Variants in PCDHGA10 observed in about 807,000 individuals in gnomAD.
PCDHGA10 encodes the protein protocadherin gamma-A10.
Under a neutral mutation model 59.5 loss-of-function variants are expected in PCDHGA10, and 42 were observed. The ratio of observed to expected loss-of-function variants is 0.71; its 90% CI spans 0.55 to 0.91. The LOEUF is 0.91. PCDHGA10 is among the 40% of genes least tolerant of loss of function. The probability of loss-of-function intolerance (pLI) is 0.00; values close to 1 mark genes in which losing one functional copy is unlikely to be tolerated. For missense variants in PCDHGA10, 1,111 were observed against 1,198.2 expected (o/e 0.93, Z 1.07); for synonymous variants, 511 against 517.2 (o/e 0.99, Z 0.16).
chr5:141,419,151 C>G, intron 1 of PCDHGA10: 3 of 1,613,918 alleles, frequency 1.9e-6, no homozygotes, highest in Non-Finnish European at 1.7e-6. Flanking sequence ...GGCAAGCCTC[C>G]GTTATCCTCC....
chr5:141,475,740 A>G (rs942793010), intron 1 of PCDHGA10, among the ~76,000 whole-genome samples: 4 of 152,280 alleles, frequency 2.6e-5, no homozygotes, highest in Non-Finnish European at 5.9e-5. Flanking sequence ...TCCCTAAGGT[A>G]GGTTTCCTAT....
chr5:141,466,297 A>G (rs1206472131), intron 1 of PCDHGA10, among the ~76,000 whole-genome samples: 3 of 152,146 alleles, frequency 2.0e-5, no homozygotes, highest in East Asian at 1.9e-4. Flanking sequence ...CAGGCTCCCA[A>G]GTAGCTGGGA....
At position 141,485,379 on chromosome 5, in the gene PCDHGA10, A is replaced by G. The variant is rs749607481; in HGVS notation, c.2437-9428A>G. 12 of 1,613,934 alleles carry G rather than the reference A, an allele frequency of 7.4e-6. No homozygotes were observed. In the Admixed American group the frequency reaches 1.8e-4, roughly 25 times the overall value. The stretch of plus-strand genomic sequence containing the variant: ...GCTCGCAGGCTGCAGGTCGCTGGAG[A>G]GGTGAACCAAAGACACTTCCGTGTG... On this transcript the variant is annotated intron_variant, in intron 1 of 3. Coordinates refer to ENST00000398610, the MANE Select transcript of PCDHGA10 (RefSeq NM_018913.3). This position sits in a 1 kb window ranked among gnomAD's most constrained non-coding sequence, Gnocchi z 5.7.
intron 1 of PCDHGA10, chr5:141,441,516 C>T (rs1034274864): frequency 4.0e-5 from 7 of 173,082 alleles, no homozygotes; most frequent in Non-Finnish European, 8.7e-5. Flanking sequence ...ACGTCGTCCA[C>T]GTGGCCAAGA....
chr5:141,485,226 T>C lies in PCDHGA10; in HGVS notation c.2437-9581T>C. ...GAAATCTGGCGGTGGGCTACCCTTT[T>C]GTTCCTCTTTTACCACCTGGGTTAC... On this transcript the variant is annotated intron_variant, in intron 1 of 3. Transcript: ENST00000398610. The surrounding 1 kb of genome is among the most constrained non-coding windows in gnomAD (Gnocchi z 5.7). 1.9e-6 allele frequency: 3 copies of C among 1,614,170 alleles called. No homozygotes were observed. Among genetic ancestry groups the C allele is most frequent in the Non-Finnish European group, 2.5e-6 (3 of 1,180,026 alleles).
rs567174433 is a variant in PCDHGA10, at chr5:141,443,351, G to A, written c.2436+27740G>A. On this transcript the variant is annotated intron_variant, in intron 1 of 3. Coordinates refer to ENST00000398610, the MANE Select transcript of PCDHGA10 (RefSeq NM_018913.3). ...AAAACAAAAATTAACAAGGTTTAGT[G>A]GTCCATGCCTGTGGTCTCAGCTACT... 6.6e-5 allele frequency among the ~76,000 whole-genome samples: 10 copies of A among 152,072 alleles called. No homozygotes were observed. The South Asian group carries it at 2.1e-3, about 32-fold the overall frequency.
Position 141,414,134 on chromosome 5 carries a change from A to G in PCDHGA10, c.959A>G (p.Glu320Gly). Residue 320 changes from glutamate (E) to glycine (G), a missense_variant, in exon 1 of 4, where the codon GAA (glutamate) becomes GGA (glycine). Transcript: ENST00000398610. ...GATTATGAAGAAACCGGTTTCTATG[A>G]AATAGAAATACAAGCAGAAGATGGA... Reference protein sequence around the residue: ...NLDYEETGFYEIEIQAEDGGA... With the variant: ...NLDYEETGFYGIEIQAEDGGA... 6.3e-7 allele frequency: 1 copy of G among 1,595,028 alleles called. No homozygotes were observed. Among genetic ancestry groups the G allele is most frequent in the Non-Finnish European group, 8.5e-7 (1 of 1,170,264 alleles).
In PCDHGA10 at chr5:141,413,230, C is replaced by A; in HGVS notation, c.55C>A (p.Leu19Met). ...KESKDCSGLVLLCLFFGIPWE... is the reference protein window; with the variant it reads ...KESKDCSGLVMLCLFFGIPWE... The stretch of plus-strand genomic sequence containing the variant: ...ATCAAAGGATTGCAGCGGGCTGGTC[C>A]TGCTCTGCCTTTTCTTCGGGATTCC... The change falls in exon 1 of 4, where the codon CTG (leucine) becomes ATG (methionine). Residue 19 changes from leucine to methionine, a missense_variant. By Grantham distance (15) the Leu-to-Met change is conservative. Transcript: ENST00000398610. 1 of 1,613,942 alleles carries A rather than the reference C, an allele frequency of 6.2e-7. No individual in the cohort carries two copies.
In PCDHGA10 at chr5:141,414,202, G is replaced by A; in HGVS notation, c.1027G>A (p.Asp343Asn). 1 of 1,611,912 alleles carries A rather than the reference G, an allele frequency of 6.2e-7. No homozygotes were observed. Among genetic ancestry groups the A allele is most frequent in the Non-Finnish European group, 8.5e-7 (1 of 1,178,928 alleles). ...TGCAAAAGTGTTGATTACAGTAGAA[G>A]ATGTAAATGACAACAGTCCAGAGCT... ...ATAKVLITVE[D>N]VNDNSPELTI... Residue 343 changes from aspartate (D) to asparagine (N), a missense_variant, in exon 1 of 4, where the codon GAT (aspartate) becomes AAT (asparagine). Physicochemically the swap from Asp to Asn is conservative, Grantham distance 23 (BLOSUM62 1). Coordinates refer to ENST00000398610, the MANE Select transcript of PCDHGA10 (RefSeq NM_018913.3).
chr5:141,419,578 G>C (rs1339676992), intron 1 of PCDHGA10: 1 of 1,611,722 alleles, frequency 6.2e-7, no homozygotes. Flanking sequence ...ACGGCTCCGC[G>C]CTCTTCGACA....
At chr5:141,458,728 T>A (rs1010109573) in intron 1 of PCDHGA10, among the ~76,000 whole-genome samples, 1 of 151,870 alleles carries the variant, frequency 6.6e-6, no homozygotes, top group Non-Finnish European at 1.5e-5. Context: ...CGCCACCACA[T>A]CCAGCTATTG....
intron 1 of PCDHGA10, chr5:141,422,847 C>G (rs1271794821): frequency 7.4e-6 from 12 of 1,614,234 alleles, no homozygotes; most frequent in Non-Finnish European, 1.0e-5. Context: ...ACAGCGGGGA[C>G]CCGCCCCTCA....
chr5:141,477,874 T>G lies in PCDHGA10; in HGVS notation c.2437-16933T>G. On this transcript the variant is annotated intron_variant, in intron 1 of 3. Coordinates refer to ENST00000398610, the MANE Select transcript of PCDHGA10 (RefSeq NM_018913.3). This position sits in a 1 kb window ranked among gnomAD's most constrained non-coding sequence, Gnocchi z 4.9. ...AGATGCTGCCTCGAGGTACCTCAGC[T>G]GGCCACCTAGTGTCACGGGTGGTAG... 1 of 1,614,176 alleles carries G rather than the reference T, an allele frequency of 6.2e-7. No individual in the cohort carries two copies. The highest frequency in any genetic ancestry group is 8.5e-7 in the Non-Finnish European group (1 of 1,180,028).
chr5:141,472,454 C>T (rs538141635), intron 1 of PCDHGA10, among the ~76,000 whole-genome samples: 3 of 151,192 alleles, frequency 2.0e-5, no homozygotes, highest in South Asian at 4.2e-4. Context: ...GCAGGAGAAT[C>T]GCTTGAACCC....
In PCDHGA10 at chr5:141,413,699, A is replaced by T. The variant is rs2095668539; in HGVS notation, c.524A>T (p.Gln175Leu). The change falls in exon 1 of 4, where the codon CAG becomes CTG. Residue 175 changes from glutamine to leucine, a missense_variant. Transcript: ENST00000398610. The part of the protein sequence containing the change: ...DVGVNSLQSY[Q>L]LSPNKHFSLR... ...GGCGTGAACTCCCTGCAGAGCTATC[A>T]GCTCAGCCCCAATAAGCACTTCTCC... is the stretch of plus-strand genomic sequence containing the variant. 1.2e-6 allele frequency: 2 copies of T among 1,613,762 alleles called. No individual in the cohort carries two copies. Among genetic ancestry groups the T allele is most frequent in the East Asian group, 4.5e-5 (2 of 44,874 alleles).
At position 141,415,520 on chromosome 5, in the gene PCDHGA10, C is replaced by T; in HGVS notation, c.2345C>T (p.Thr782Met). The T allele has an allele frequency of 6.2e-7, 1 of 1,614,190 alleles. No individual in the cohort carries two copies. The highest frequency in any genetic ancestry group is 8.5e-7 in the Non-Finnish European group (1 of 1,180,036). ...TTCCCCCAGCCCAATTATGCGGACA[C>T]GCTCATCAGCCAGGAGAGCTGTGAG... ...LIFPQPNYAD[T>M]LISQESCEKN... Residue 782 changes from threonine (T) to methionine (M), a missense_variant, in exon 1 of 4, where the codon ACG (threonine) becomes ATG (methionine). By Grantham distance (81) the Thr-to-Met change is moderately conservative (BLOSUM62 -1). Transcript: ENST00000398610.
At chr5:141,416,993 C>T (rs1230909560) in intron 1 of PCDHGA10, 1 of 151,494 alleles carries the variant, frequency 6.6e-6, no homozygotes, top group Non-Finnish European at 1.5e-5. Context: ...ATTGTGCATT[C>T]ATCTCAAATA....
In PCDHGA10 at chr5:141,477,377, C is replaced by A. The variant is rs1456451105; in HGVS notation, c.2437-17430C>A. On this transcript the variant is annotated intron_variant, in intron 1 of 3. Coordinates refer to ENST00000398610, the MANE Select transcript of PCDHGA10 (RefSeq NM_018913.3). This position sits in a 1 kb window ranked among gnomAD's most constrained non-coding sequence, Gnocchi z 4.9. ...TGCAGACCTGGATCGGGAGACTGTG[C>A]CAGAATACAACCTCAGCATCACCGC... 1.2e-6 allele frequency: 2 copies of A among 1,614,026 alleles called. No homozygotes were observed. The highest frequency in any genetic ancestry group is 1.7e-6 in the Non-Finnish European group (2 of 1,180,032).
At chr5:141,503,502 G>A (rs750139098) in intron 2 of PCDHGA10, among the ~76,000 whole-genome samples, 5 of 151,828 alleles carry the variant, frequency 3.3e-5, no homozygotes, top group Admixed American at 2.0e-4. Context: ...AAGAGGCTGA[G>A]GCAGGAGAAT....
Sources: gnomAD v4.1 joint callset for allele counts (sites outside exome capture counted in the v4.1 genomes callset) on GRCh38, gnomAD v4.1.1 for gene constraint, Gnocchi (gnomAD v3.1) non-coding constraint, MANE v1.5 for transcripts, NCBI Gene and HGNC (gene_info 2026-07-23, HGNC 2026-07-21) for gene names.